The following ATXN3 variants were observed in gnomAD, a reference collection of about 807,000 sequenced individuals.
ATXN3 encodes the protein ataxin-3.
A neutral mutation model predicts 58.2 loss-of-function variants in ATXN3; 28 were observed. The observed-to-expected ratio is 0.48, with a 90% CI of 0.36 to 0.66. The LOEUF (loss-of-function observed/expected upper bound fraction) is 0.66, where lower values mean the gene tolerates loss of function less well. Ranked by LOEUF, ATXN3 falls within the 30% of genes least tolerant of loss-of-function variation. The pLI, the probability that ATXN3 is intolerant of heterozygous loss-of-function variation, is 0.00. For synonymous variants in ATXN3, 113 were observed against 138.5 expected (o/e 0.82, Z 1.29); for missense variants, 321 against 422.1 (o/e 0.76, Z 2.10).
intron 6 of ATXN3, among the ~76,000 whole-genome samples, chr14:92,087,417 C>T (rs2062827230): frequency 6.6e-6 from 1 of 152,186 alleles, no homozygotes; most frequent in Non-Finnish European, 1.5e-5. Flanking sequence ...TGCTGCTGCA[C>T]TCCAGCCTGG....
intron 10 of ATXN3, among the ~76,000 whole-genome samples, chr14:92,066,273 C>T (rs2058384077): frequency 6.6e-6 from 1 of 152,144 alleles, no homozygotes; most frequent in Admixed American, 6.6e-5. Context: ...GACCCTCCTT[C>T]ATCTGTAACA....
intron 1 of ATXN3, among the ~76,000 whole-genome samples, chr14:92,097,106 AT>A (rs1426826413): frequency 1.9e-3 from 286 of 151,872 alleles, no homozygotes; most frequent in African/African-American, 6.0e-3. Flanking sequence ...ACGGGGTTTC[AT>A]CCTGTGTTAG....
chr14:92,081,465 C>CAAAAAAAAAAAAAAAAAAAA (rs58398762), intron 8 of ATXN3, among the ~76,000 whole-genome samples: 22 of 82,962 alleles, frequency 2.7e-4, no homozygotes, highest in South Asian at 3.9e-4. Flanking sequence ...GACTCTGACT[C>CAAAAAAAAAAAAAAAAAAAA]AAAAAAAAAA....
At position 92,060,156 on chromosome 14, in the gene ATXN3, C is replaced by CA. The variant is rs2057657910; in HGVS notation, c.*4163dup. 1 of 151,302 alleles carries CA rather than the reference C, an allele frequency of 6.6e-6. No individual in the cohort carries two copies. The highest frequency in any genetic ancestry group is 2.4e-5 in the African/African-American group (1 of 41,166). 9.4% of individuals were successfully genotyped at this position (151,302 alleles called of 1,614,324 possible). On this transcript the variant is annotated 3_prime_UTR_variant, in exon 11 of 11. Coordinates refer to ENST00000644486, the MANE Select transcript of ATXN3 (RefSeq NM_004993.6). ...AGGTGATCCACCTGCCTCAGCCTCC[C>CA]AAAGTGTTGGGATTACAGGCGTGAG...
intron 9 of ATXN3, among the ~76,000 whole-genome samples, chr14:92,076,939 CAAAAAAAA>C (rs1157708694): frequency 3.3e-5 from 2 of 59,816 alleles, no homozygotes; most frequent in South Asian, 7.0e-4. Context: ...GATTTCGTCT[CAAAAAAAA>C]AAAAAAAAAA....
rs544031301 is a variant in ATXN3, at chr14:92,062,420, C to G, written c.*1900G>C. The G allele has an allele frequency of 1.2e-4, 19 of 152,228 alleles. No individual in the cohort carries two copies. The highest frequency in any genetic ancestry group is 3.6e-4 in the African/African-American group (15 of 41,544). 9.4% of individuals were successfully genotyped at this position (152,228 alleles called of 1,614,324 possible). A position where few individuals can be genotyped will look rare whatever the true frequency, so the allele number is the denominator to read the frequency against. On this transcript the variant is annotated 3_prime_UTR_variant, in exon 11 of 11. Coordinates refer to ENST00000644486, the MANE Select transcript of ATXN3 (RefSeq NM_004993.6). ...CTCATTTTTATATTAGGTAGCTCAT[C>G]AATTCAAGTGTATGAAAAGTTTAAT...
chr14:92,106,538 G>A lies in ATXN3; in HGVS notation c.15C>T (p.Phe5=), dbSNP rs2068474858. The A allele has an allele frequency of 1.2e-6, 2 of 1,613,394 alleles. No homozygotes were observed. Among genetic ancestry groups the A allele is most frequent in the South Asian group, 2.2e-5 (2 of 91,060 alleles). Residue 5 remains phenylalanine (F), a synonymous_variant, in exon 1 of 11, where the codon TTC becomes TTT. Transcript: ENST00000644486. ...GAACGCGGACACTCACTTTCTCGTG[G>A]AAGATGGACTCCATGTTTATTTGTC... MESI[F]HEKQEGSLCA...
intron 1 of ATXN3, among the ~76,000 whole-genome samples, chr14:92,101,624 A>C (rs1458497257): frequency 6.6e-6 from 1 of 151,472 alleles, no homozygotes; most frequent in Non-Finnish European, 1.5e-5. Flanking sequence ...TTGGGAGGCC[A>C]AGGCAGGTTG....
chr14:92,068,613 A>C (rs555385785), intron 10 of ATXN3, among the ~76,000 whole-genome samples: 2 of 148,230 alleles, frequency 1.3e-5, no homozygotes, highest in South Asian at 2.1e-4. Context: ...TTTTTGAGAC[A>C]GAGTTTTGCT....
At chr14:92,104,648 G>A (rs1371463198) in intron 1 of ATXN3, among the ~76,000 whole-genome samples, 4 of 152,166 alleles carry the variant, frequency 2.6e-5, no homozygotes, top group Admixed American at 6.5e-5. Flanking sequence ...AAATATGGCC[G>A]GGTGCGGTGG....
upstream of ATXN3, among the ~76,000 whole-genome samples, chr14:92,053,315 G>A (rs2057454631): frequency 6.6e-6 from 1 of 151,566 alleles, no homozygotes; most frequent in African/African-American, 2.4e-5. Context: ...GACCTGTAGG[G>A]TACTTAAGCT....
intron 6 of ATXN3, among the ~76,000 whole-genome samples, chr14:92,088,415 CA>C (rs1432582782): frequency 6.6e-6 from 1 of 152,156 alleles, no homozygotes; most frequent in Non-Finnish European, 1.5e-5. Flanking sequence ...TAAGGAAGAA[CA>C]GTGGCCTAGA....
downstream of ATXN3, among the ~76,000 whole-genome samples, chr14:92,054,424 C>T (rs986052700): frequency 9.2e-5 from 14 of 152,208 alleles, no homozygotes; most frequent in African/African-American, 2.9e-4. Flanking sequence ...ACCACAAAGG[C>T]CACAAGAGTG....
At chr14:92,079,409 T>G (rs2061037654) in intron 9 of ATXN3, 1 of 971,868 alleles carries the variant, frequency 1.0e-6, no homozygotes, top group Admixed American at 6.2e-5. Context: ...ACTAGAAATA[T>G]CTCACATTAA....
chr14:92,046,580 G>A (rs1279185464), intron 2 of ATXN3, among the ~76,000 whole-genome samples: 2 of 151,548 alleles, frequency 1.3e-5, no homozygotes, highest in Non-Finnish European at 2.9e-5. Flanking sequence ...GATGAGTTAG[G>A]GAGAGCTAGT....
At position 92,060,535 on chromosome 14, in the gene ATXN3, A is replaced by C. The variant is rs1044593911; in HGVS notation, c.*3785T>G. 1 of 152,150 alleles carries C rather than the reference A, an allele frequency of 6.6e-6. No individual in the cohort carries two copies. The highest frequency in any genetic ancestry group is 1.5e-5 in the Non-Finnish European group (1 of 68,042). The allele number at this position is 152,150 out of a possible 1,614,324, so 9.4% of individuals were successfully genotyped here. A position where few individuals can be genotyped will look rare whatever the true frequency, so the allele number is the denominator to read the frequency against. ...CAGCCTCCAGAACTGCTGGGATTAC[A>C]GGCGTGAGCCACTGCACCCAGCCGG... On this transcript the variant is annotated 3_prime_UTR_variant, in exon 11 of 11. Coordinates refer to ENST00000644486, the MANE Select transcript of ATXN3 (RefSeq NM_004993.6).
rs2060232521 is a variant in ATXN3, at chr14:92,075,652, G to C, written c.873-4599C>G. On this transcript the variant is annotated intron_variant, in intron 9 of 10. Transcript: ENST00000644486. Reference sequence around the variant, plus strand: ...CAAATCAGCACCAGGGTCAATTTGGGAAGGGTGAGAGGGAAGAAAGAGTTA... The same window carrying C: ...CAAATCAGCACCAGGGTCAATTTGGCAAGGGTGAGAGGGAAGAAAGAGTTA... Among the ~76,000 whole-genome samples, 2 of 152,160 alleles carry C rather than the reference G, an allele frequency of 1.3e-5. 1 individual carries two copies. The highest frequency in any genetic ancestry group is 4.8e-5 in the African/African-American group (2 of 41,434).
intron 9 of ATXN3, among the ~76,000 whole-genome samples, chr14:92,074,452 T>G (rs1225672859): frequency 2.6e-5 from 4 of 152,234 alleles, no homozygotes; most frequent in Non-Finnish European, 5.9e-5. Flanking sequence ...GCTGTTGCAA[T>G]GGGGGCCAGA....
intron 9 of ATXN3, among the ~76,000 whole-genome samples, chr14:92,074,454 G>C (rs2060003538): frequency 6.6e-6 from 1 of 152,220 alleles, no homozygotes; most frequent in Non-Finnish European, 1.5e-5. Context: ...TGTTGCAATG[G>C]GGGCCAGACT....
Sources: gnomAD v4.1 joint callset for allele counts (sites outside exome capture counted in the v4.1 genomes callset) on GRCh38, gnomAD v4.1.1 for gene constraint, MANE v1.5 for transcripts, NCBI Gene and HGNC (gene_info 2026-07-23, HGNC 2026-07-21) for gene names.